LPP: variants seen among roughly 807,000 people sequenced by gnomAD.
LPP encodes lipoma-preferred partner.
Under a neutral mutation model 60.4 loss-of-function variants are expected in LPP, and 38 were observed. The ratio of observed to expected loss-of-function variants is 0.63; its 90% CI spans 0.49 to 0.83. The LOEUF (loss-of-function observed/expected upper bound fraction) is 0.83, where lower values mean the gene tolerates loss of function less well. Among genes scored for constraint, LPP ranks in the 40% least tolerant of loss-of-function variants. The pLI is 0.00. For missense variants in LPP, 902 were observed against 783.6 expected (o/e 1.15, Z -1.80); for synonymous variants, 328 against 290.8 (o/e 1.13, Z -1.30).
intron 6 of LPP, among the ~76,000 whole-genome samples, chr3:188,537,254 G>A (rs961728875): frequency 1.3e-5 from 2 of 151,842 alleles, no homozygotes; most frequent in African/African-American, 4.8e-5. Flanking sequence ...ATGTTTCCTT[G>A]AGTGCCTTCT....
At chr3:188,447,795 A>T (rs920287832) in intron 4 of LPP, among the ~76,000 whole-genome samples, 3 of 151,462 alleles carry the variant, frequency 2.0e-5, no homozygotes, top group Non-Finnish European at 1.5e-5. Context: ...AAAAAAGGTG[A>T]CTCTCCGGGA....
intron 7 of LPP, among the ~76,000 whole-genome samples, chr3:188,636,179 G>A (rs1848701030): frequency 2.0e-5 from 3 of 152,218 alleles, no homozygotes; most frequent in Admixed American, 1.3e-4. Context: ...CAGACAGTGG[G>A]CGCAGGTCAG....
chr3:188,582,184 A>T (rs1836384245), intron 6 of LPP, among the ~76,000 whole-genome samples: 1 of 121,752 alleles, frequency 8.2e-6, no homozygotes, highest in African/African-American at 3.2e-5. Context: ...TTTTTGAGAC[A>T]GACTCTCATT....
chr3:188,770,895 A>G (rs1735731451), intron 9 of LPP, among the ~76,000 whole-genome samples: 1 of 152,104 alleles, frequency 6.6e-6, no homozygotes, highest in South Asian at 2.1e-4. Flanking sequence ...ATAAGAGCAA[A>G]CCAGTTTGTT....
intron 2 of LPP, among the ~76,000 whole-genome samples, chr3:188,287,068 T>A (rs1437742060): frequency 6.6e-6 from 1 of 152,170 alleles, no homozygotes; most frequent in African/African-American, 2.4e-5. Context: ...ACCTGGCTAA[T>A]TTTTGTATTT....
At chr3:188,431,621 A>G (rs138462808) in intron 4 of LPP, among the ~76,000 whole-genome samples, 327 of 152,270 alleles carry the variant, frequency 2.1e-3, no homozygotes, top group African/African-American at 7.7e-3. Context: ...ATTACTGTAC[A>G]AGACAAGAGT....
chr3:188,391,534 A>G (rs116737555), intron 3 of LPP, among the ~76,000 whole-genome samples: 1,530 of 152,268 alleles, frequency 0.01, 30 homozygotes, highest in African/African-American at 0.035. Flanking sequence ...TAGATATTTT[A>G]AGTGGAAGGT....
At chr3:188,764,854 G>A (rs1733512954) in intron 9 of LPP, among the ~76,000 whole-genome samples, 3 of 152,124 alleles carry the variant, frequency 2.0e-5, no homozygotes, top group Admixed American at 6.5e-5. Context: ...ACAGCAGAAG[G>A]TGGTACAGAC....
chr3:188,386,500 G>T (rs1347713346), intron 3 of LPP, among the ~76,000 whole-genome samples: 1 of 152,110 alleles, frequency 6.6e-6, no homozygotes, highest in Non-Finnish European at 1.5e-5. Flanking sequence ...ACTGACTGTG[G>T]TTATCCATTG....
chr3:188,518,088 A>G (rs777854479), intron 5 of LPP, among the ~76,000 whole-genome samples: 7 of 152,150 alleles, frequency 4.6e-5, no homozygotes, highest in African/African-American at 7.2e-5. Flanking sequence ...TGCTTCCTGT[A>G]CAGCCTGCGG....
At chr3:188,341,225 A>C (rs1762965420) in intron 2 of LPP, among the ~76,000 whole-genome samples, 1 of 152,218 alleles carries the variant, frequency 6.6e-6, no homozygotes, top group African/African-American at 2.4e-5. Context: ...CTAATAACCT[A>C]GGAAAAACTG....
At chr3:188,211,624 G>C (rs1044717987) in intron 1 of LPP, among the ~76,000 whole-genome samples, 1 of 152,082 alleles carries the variant, frequency 6.6e-6, no homozygotes, top group African/African-American at 2.4e-5. Flanking sequence ...AGAACCTTAG[G>C]GTTGGAATCC....
rs1027384971 is a variant in LPP at position 188,882,028 on chromosome 3, C to G, written c.*7549C>G. On this transcript the variant is annotated 3_prime_UTR_variant, in exon 12 of 12. Transcript: ENST00000617246. ...CCCAACATCCTTATCTCTTACTCAG[C>G]TCTTCAATTTATAATTACCAAATAA... 1 of 210,798 alleles carries G rather than the reference C, an allele frequency of 4.7e-6. No homozygotes were observed. Among genetic ancestry groups the G allele is most frequent in the Non-Finnish European group, 9.6e-6 (1 of 104,056 alleles). The allele number at this position is 210,798 out of a possible 1,614,324, so 13.1% of individuals were successfully genotyped here. A position where few individuals can be genotyped will look rare whatever the true frequency, so the allele number is the denominator to read the frequency against.
At chr3:188,828,577 T>C (rs1756232349) in intron 9 of LPP, among the ~76,000 whole-genome samples, 1 of 127,714 alleles carries the variant, frequency 7.8e-6, no homozygotes, top group African/African-American at 3.0e-5. Context: ...ATCACGCCAT[T>C]GCACTCTAGC....
At chr3:188,754,317 T>G (rs1399498233) in intron 8 of LPP, among the ~76,000 whole-genome samples, 1 of 152,190 alleles carries the variant, frequency 6.6e-6, no homozygotes, top group Admixed American at 6.5e-5. Flanking sequence ...TGGAAAGCCA[T>G]TGCAAACTTT....
chr3:188,203,933 G>A (rs1485939942), intron 1 of LPP, among the ~76,000 whole-genome samples: 1 of 152,116 alleles, frequency 6.6e-6, no homozygotes, highest in East Asian at 1.9e-4. Flanking sequence ...CATTTAAAAA[G>A]AGGAGCTGTG....
At chr3:188,744,093 CACAA>C (rs1342928374) in intron 8 of LPP, among the ~76,000 whole-genome samples, 1 of 152,138 alleles carries the variant, frequency 6.6e-6, no homozygotes, top group African/African-American at 2.4e-5. Flanking sequence ...TAACCATACG[CACAA>C]ACATACACTT....
intron 6 of LPP, among the ~76,000 whole-genome samples, chr3:188,578,538 C>T (rs1257662959): frequency 3.9e-5 from 6 of 152,030 alleles, no homozygotes; most frequent in Admixed American, 6.6e-5. Context: ...ACAATGAAGG[C>T]GACAGGTTTT....
chr3:188,279,587 T>G (rs1306174376), intron 2 of LPP, among the ~76,000 whole-genome samples: 2 of 152,186 alleles, frequency 1.3e-5, no homozygotes, highest in Non-Finnish European at 2.9e-5. Flanking sequence ...AAAAGTAAGA[T>G]AGCGAGTGGA....
Sources: gnomAD v4.1 joint callset for allele counts (sites outside exome capture counted in the v4.1 genomes callset) on GRCh38, gnomAD v4.1.1 for gene constraint, MANE v1.5 for transcripts, NCBI Gene and HGNC (gene_info 2026-07-23, HGNC 2026-07-21) for gene names.